ARHGAP18: variants seen among roughly 807,000 people sequenced by gnomAD.
The protein encoded by ARHGAP18 is Rho GTPase activating protein 18, also known as rho GTPase-activating protein 18.
In ARHGAP18, 67 loss-of-function variants were observed where a neutral mutation model predicts 86.2. The observed-to-expected ratio is 0.78, with a 90% CI of 0.64 to 0.95. The LOEUF (loss-of-function observed/expected upper bound fraction) is 0.95, where lower values mean the gene tolerates loss of function less well. Among genes scored for constraint, ARHGAP18 ranks in the 40% least tolerant of loss-of-function variants. ARHGAP18 has a pLI of 0.00. For missense variants in ARHGAP18, 691 were observed against 780.4 expected (o/e 0.89, Z 1.37); for synonymous variants, 283 against 280.4 (o/e 1.01, Z -0.09).
chr6:129,706,257 T>C (rs537471713), intron 1 of ARHGAP18, among the ~76,000 whole-genome samples: 11 of 152,348 alleles, frequency 7.2e-5, no homozygotes, highest in Non-Finnish European at 1.3e-4. Context: ...AGAAGCCTGC[T>C]TGAAAAACAA....
intron 12 of ARHGAP18, among the ~76,000 whole-genome samples, chr6:129,587,622 G>A (rs907835710): frequency 6.6e-6 from 1 of 152,066 alleles, no homozygotes; most frequent in African/African-American, 2.4e-5. Context: ...TCAAGCAAAG[G>A]GGGAAAAGCC....
At chr6:129,630,586 C>A (rs1013351316) in intron 4 of ARHGAP18, among the ~76,000 whole-genome samples, 1 of 152,132 alleles carries the variant, frequency 6.6e-6, no homozygotes, top group Non-Finnish European at 1.5e-5. Context: ...TAAGAGTCTG[C>A]AGTTCAGAAA....
rs780095002 is a variant in ARHGAP18 at position 129,584,017 on chromosome 6, A to G, written c.1809T>C (p.Asp603=). The change falls in exon 13 of 15, where the codon GAT becomes GAC. Residue 603 remains aspartate (D), a synonymous_variant. Coordinates refer to ENST00000368149, the MANE Select transcript of ARHGAP18 (RefSeq NM_033515.3). The stretch of plus-strand genomic sequence containing the variant: ...CTTGGCTGAGAAACCTGGCAAGTAC[A>G]TCACTGGCTTTTAGTTCTTCAGTTA... ...IQLTEELKAS[D]VLARFLSQES... 3.1e-6 allele frequency: 5 copies of G among 1,613,714 alleles called. No homozygotes were observed. The highest frequency in any genetic ancestry group is 1.1e-5 in the South Asian group (1 of 91,058).
chr6:129,583,914 A>G, intron 13 of ARHGAP18, 74 bp downstream of exon 13: 8 of 1,528,376 alleles, frequency 5.2e-6, no homozygotes, highest in Non-Finnish European at 7.0e-6. Context: ...AGGAAGAAGA[A>G]GCAGCAGCGA....
intron 1 of ARHGAP18, among the ~76,000 whole-genome samples, chr6:129,696,399 C>T (rs1025341135): frequency 1.7e-4 from 26 of 152,172 alleles, no homozygotes; most frequent in Non-Finnish European, 3.7e-4. Flanking sequence ...CTCTATTCTT[C>T]CCAAATTCAA....
chr6:129,661,511 TG>T (rs1323987261), intron 1 of ARHGAP18, among the ~76,000 whole-genome samples: 5 of 68,208 alleles, frequency 7.3e-5, no homozygotes, highest in Non-Finnish European at 1.5e-4. Flanking sequence ...TCTCTTTAAA[TG>T]AAAAAAAAAA....
At chr6:129,641,723 C>G (rs1773467751) in intron 2 of ARHGAP18, 93 bp downstream of exon 2, 2 of 1,230,708 alleles carry the variant, frequency 1.6e-6, no homozygotes, top group Non-Finnish European at 2.3e-6. Context: ...GTGGTCCTAG[C>G]TTTAATTTTT....
chr6:129,679,010 C>A (rs1484715143), intron 1 of ARHGAP18, among the ~76,000 whole-genome samples: 1 of 152,094 alleles, frequency 6.6e-6, no homozygotes, highest in African/African-American at 2.4e-5. Context: ...GGCTTCAATG[C>A]TTATTTTTTA....
chr6:129,625,740 TATTTATATATTA>T lies in ARHGAP18; in HGVS notation c.786+3601_786+3612del, dbSNP rs1205758025. Among the ~76,000 whole-genome samples the T allele has an allele frequency of 2.1e-3, 67 of 32,470 alleles. 14 individuals are homozygous for T. Among genetic ancestry groups the T allele is most frequent in the Non-Finnish European group, 3.1e-3 (52 of 16,856 alleles). The allele number at this position is 32,470 out of a possible 152,430, so 21.3% of individuals were successfully genotyped here. A position where few individuals can be genotyped will look rare whatever the true frequency, so the allele number is the denominator to read the frequency against. ...TTATATATTATATATATTTATTATA[TATTTATATATTA>T]TATATTTATATATTATATATATTTA... On this transcript the variant is annotated intron_variant, in intron 5 of 14. Transcript: ENST00000368149.
At chr6:129,665,544 T>C (rs1774020904) in intron 1 of ARHGAP18, among the ~76,000 whole-genome samples, 1 of 152,158 alleles carries the variant, frequency 6.6e-6, no homozygotes, top group Admixed American at 6.5e-5. Context: ...AGCCAGATCC[T>C]GTCTCCAAAA....
At chr6:129,583,831 G>A (rs979128202) in intron 13 of ARHGAP18, among the ~76,000 whole-genome samples, 157 bp downstream of exon 13, 16 of 150,348 alleles carry the variant, frequency 1.1e-4, no homozygotes, top group Non-Finnish European at 5.9e-5. Context: ...TAAGTCTGCT[G>A]TTCTCTTCTG....
Position 129,599,323 on chromosome 6 carries a change from G to A in ARHGAP18, c.1606C>T (p.Gln536Ter), listed in dbSNP as rs1364770988. ...PKFIVNQVRKQNTENHKKDKR... is the reference protein window; with the variant it reads ...PKFIVNQVRK ...TCCTTTTTATGATTTTCCGTGTTTT[G>A]CTTCCTCACTTGGTTTACAATAAAC... The change falls in exon 12 of 15, where the codon CAA becomes TAA. Residue 536 changes from glutamine to a stop codon, truncating the protein, a stop_gained. Transcript: ENST00000368149. LOFTEE classifies it high-confidence loss of function. 1.9e-6 allele frequency: 3 copies of A among 1,580,956 alleles called. No individual in the cohort carries two copies. Among genetic ancestry groups the A allele is most frequent in the South Asian group, 1.2e-5 (1 of 85,156 alleles).
intron 1 of ARHGAP18, among the ~76,000 whole-genome samples, chr6:129,691,071 C>T (rs1435805644): frequency 6.6e-6 from 1 of 152,120 alleles, no homozygotes; most frequent in African/African-American, 2.4e-5. Context: ...AATATTATTG[C>T]ACAAAATCCT....
chr6:129,672,053 G>A (rs1041933428), intron 1 of ARHGAP18, among the ~76,000 whole-genome samples: 15 of 152,170 alleles, frequency 9.9e-5, no homozygotes, highest in Non-Finnish European at 1.5e-4. Flanking sequence ...ATGACAAAGT[G>A]GGTTCCAGAA....
intron 5 of ARHGAP18, among the ~76,000 whole-genome samples, chr6:129,625,248 G>T (rs183941924): frequency 2.5e-5 from 1 of 40,730 alleles, no homozygotes; most frequent in Non-Finnish European, 4.0e-5. Context: ...ATATTTATAT[G>T]TAATATATAT....
chr6:129,657,227 T>C (rs1410198645), intron 1 of ARHGAP18, among the ~76,000 whole-genome samples: 1 of 152,214 alleles, frequency 6.6e-6, no homozygotes, highest in Non-Finnish European at 1.5e-5. Flanking sequence ...ATTAGCACTG[T>C]TATTAATTGC....
chr6:129,660,896 G>A (rs1773936423), intron 1 of ARHGAP18, among the ~76,000 whole-genome samples: 1 of 151,826 alleles, frequency 6.6e-6, no homozygotes, highest in Non-Finnish European at 1.5e-5. Flanking sequence ...GAGGGAGTAT[G>A]CATGTTTGGA....
chr6:129,625,932 ATTATATATTATATAT>A (rs1285384241), intron 5 of ARHGAP18, among the ~76,000 whole-genome samples: 82 of 100,716 alleles, frequency 8.1e-4, no homozygotes, highest in African/African-American at 2.4e-3. Flanking sequence ...ATATTTATAT[ATTATATATTATATAT>A]TTATATATTA....
chr6:129,607,381 C>T (rs1788875746), intron 9 of ARHGAP18, among the ~76,000 whole-genome samples: 1 of 152,176 alleles, frequency 6.6e-6, no homozygotes, highest in South Asian at 2.1e-4. Flanking sequence ...ACATAAGAAG[C>T]AGCTTGTGAC....
Sources: allele counts gnomAD v4.1 joint callset (sites outside exome capture counted in the v4.1 genomes callset), GRCh38; gene constraint gnomAD v4.1.1; transcripts MANE v1.5; gene names NCBI Gene and HGNC (gene_info 2026-07-23, HGNC 2026-07-21).